The following TACC2 variants were observed in gnomAD, a reference collection of about 807,000 sequenced individuals.
TACC2 encodes the protein transforming acidic coiled-coil containing protein 2.
TACC2 carries 137 observed loss-of-function variants against 227.3 expected under a neutral mutation model. The observed-to-expected ratio is 0.60, with a 90% confidence interval of 0.52 to 0.69. The LOEUF (loss-of-function observed/expected upper bound fraction) is 0.69, where lower values mean the gene tolerates loss of function less well. Among genes scored for constraint, TACC2 ranks in the 30% least tolerant of loss-of-function variants. TACC2 has a pLI of 0.00. For synonymous variants in TACC2, 1,523 were observed against 1,487.5 expected, an observed-to-expected ratio of 1.02 and a Z score of -0.55; for missense variants, 3,470 against 3,694.4, an observed-to-expected ratio of 0.94 and a Z score of 1.57.
chr10:122,088,774 G>T, intron 5 of TACC2, 183 bp downstream of exon 5: 1 of 1,523,766 alleles, frequency 6.6e-7, no homozygotes, highest in South Asian at 1.2e-5. Flanking sequence ...AAGCTCCATT[G>T]TTGGAAAAGG....
intron 2 of TACC2, among the ~76,000 whole-genome samples, chr10:122,039,989 T>C (rs1219720009): frequency 1.0e-4 from 15 of 147,834 alleles, no homozygotes; most frequent in Non-Finnish European, 2.1e-4. Context: ...GCCCAGCCCC[T>C]TGTGGGTGCC....
intron 1 of TACC2, among the ~76,000 whole-genome samples, chr10:121,993,535 T>TG (rs1381509021): frequency 6.6e-6 from 1 of 152,200 alleles, no homozygotes; most frequent in African/African-American, 2.4e-5. Flanking sequence ...GCACATTGTA[T>TG]GGTTAGGTTT....
At chr10:122,135,681 G>A (rs1196799428) in intron 6 of TACC2, among the ~76,000 whole-genome samples, 3 of 152,196 alleles carry the variant, frequency 2.0e-5, no homozygotes, top group African/African-American at 7.2e-5. Flanking sequence ...CCATATTTGT[G>A]AATTTGCCTT....
At chr10:122,111,444 A>C (rs1276124807) in intron 5 of TACC2, among the ~76,000 whole-genome samples, 2 of 150,864 alleles carry the variant, frequency 1.3e-5, no homozygotes, top group Non-Finnish European at 2.9e-5. Flanking sequence ...CATGGTGGTG[A>C]GTGGTGTATG....
chr10:122,224,974 G>A (rs796220164), intron 12 of TACC2, among the ~76,000 whole-genome samples, 187 bp downstream of exon 12: 5 of 151,480 alleles, frequency 3.3e-5, no homozygotes, highest in African/African-American at 1.2e-4. Flanking sequence ...AATCCACTTC[G>A]TTTGACATTT....
At chr10:122,193,464 C>G (rs761575209) in intron 7 of TACC2, among the ~76,000 whole-genome samples, 2 of 152,060 alleles carry the variant, frequency 1.3e-5, no homozygotes, top group African/African-American at 2.4e-5. Context: ...GTTCTTTGAT[C>G]TTTTTGGAAG....
intron 3 of TACC2, among the ~76,000 whole-genome samples, chr10:122,054,860 A>G (rs1331424430): frequency 6.6e-6 from 1 of 152,198 alleles, no homozygotes; most frequent in Non-Finnish European, 1.5e-5. Flanking sequence ...ATGTTTGAAC[A>G]CAAGGGAGAG....
chr10:122,107,714 G>A (rs2082993085), intron 5 of TACC2, among the ~76,000 whole-genome samples: 2 of 150,528 alleles, frequency 1.3e-5, no homozygotes, highest in African/African-American at 4.9e-5. Context: ...TTGGGGAGCA[G>A]GTGGTGTTTG....
intron 2 of TACC2, among the ~76,000 whole-genome samples, chr10:122,027,255 A>AT (rs1958151624): frequency 6.6e-6 from 1 of 152,126 alleles, no homozygotes. Flanking sequence ...TGTATATCTC[A>AT]TTTGGTGAGG....
At chr10:122,088,107 C>G (rs755896793) in intron 4 of TACC2, 148 bp downstream of exon 4, 10 of 854,972 alleles carry the variant, frequency 1.2e-5, no homozygotes, top group Admixed American at 3.7e-5. Flanking sequence ...CTGCTTACCC[C>G]CTCTGGATGT....
chr10:122,238,528 A>G (rs1180689008), intron 18 of TACC2, among the ~76,000 whole-genome samples: 4 of 152,094 alleles, frequency 2.6e-5, no homozygotes, highest in Non-Finnish European at 4.4e-5. Context: ...GCTCACTGCA[A>G]CCTCCAACTC....
chr10:122,195,393 G>T lies in TACC2; in HGVS notation c.5971+217G>T, dbSNP rs549634794. Among the ~76,000 whole-genome samples, 8 of 152,284 alleles carry T rather than the reference G, an allele frequency of 5.3e-5. No homozygotes were observed. In the South Asian group the frequency reaches 1.5e-3, roughly 28 times the overall value. On this transcript the variant is annotated intron_variant, in intron 8 of 22. Coordinates refer to ENST00000369005, the MANE Select transcript of TACC2 (RefSeq NM_206862.4). ...ATTTGCTTTGCAGAATTTTAGGGGG[G>T]GCCTCTGGGGAGATTGGGTTTGGAG...
chr10:122,017,124 G>T (rs543605846), intron 1 of TACC2, among the ~76,000 whole-genome samples: 1 of 152,082 alleles, frequency 6.6e-6, no homozygotes. Context: ...TACAGCAGCC[G>T]GAGCTGACCA....
intron 3 of TACC2, among the ~76,000 whole-genome samples, chr10:122,071,194 T>C (rs944908024): frequency 6.6e-6 from 1 of 152,218 alleles, no homozygotes; most frequent in Non-Finnish European, 1.5e-5. Flanking sequence ...TTTTCTCTAA[T>C]GGGATAGTAG....
chr10:122,083,556 T>C lies in TACC2; in HGVS notation c.1056T>C (p.Ser352=). 6.2e-7 allele frequency: 1 copy of C among 1,613,132 alleles called. No individual in the cohort carries two copies. Among genetic ancestry groups the C allele is most frequent in the Non-Finnish European group, 8.5e-7 (1 of 1,179,982 alleles). ...CAGAGCTGCCCTGGGGCTTGCCAAG[T>C]CCTGCCCTGGTGCCAGAGGCTGGGG... is the stretch of plus-strand genomic sequence containing the variant. ...PHAELPWGLP[S]PALVPEAGGS... The change falls in exon 4 of 23, where the codon AGT becomes AGC. Residue 352 remains serine (S), a synonymous_variant. Transcript: ENST00000369005.
intron 3 of TACC2, among the ~76,000 whole-genome samples, chr10:122,067,764 C>T (rs560161278): frequency 2.4e-4 from 36 of 152,296 alleles, no homozygotes; most frequent in Middle Eastern, 3.4e-3. Flanking sequence ...CCTTGGCCTC[C>T]CAAAATGCTG....
At chr10:122,142,480 A>T (rs2090746421) in intron 6 of TACC2, among the ~76,000 whole-genome samples, 1 of 152,230 alleles carries the variant, frequency 6.6e-6, no homozygotes, top group Non-Finnish European at 1.5e-5. Context: ...TCCAGTGTAC[A>T]GTGTGGGTGC....
intron 5 of TACC2, chr10:122,088,858 T>C (rs1281639389): frequency 1.9e-5 from 20 of 1,066,874 alleles, no homozygotes; most frequent in Non-Finnish European, 2.6e-5. Flanking sequence ...CGGTGGCTCA[T>C]GCCTGTAATC....
chr10:122,127,236 C>T (rs1011146991), intron 5 of TACC2: 1 of 152,734 alleles, frequency 6.5e-6, no homozygotes, highest in Non-Finnish European at 1.5e-5. Flanking sequence ...CTTCACAGTT[C>T]TCCTTTCTTT....
Sources: allele counts gnomAD v4.1 joint callset (sites outside exome capture counted in the v4.1 genomes callset), GRCh38; gene constraint gnomAD v4.1.1; transcripts MANE v1.5; gene names NCBI Gene and HGNC (gene_info 2026-07-23, HGNC 2026-07-21).